Variants in CTBP2 observed in about 807,000 individuals in gnomAD.
CTBP2 encodes the protein C-terminal binding protein 2.
In CTBP2, 30 loss-of-function variants were observed where a neutral mutation model predicts 80.3. The ratio of observed to expected loss-of-function variants is 0.37; its 90% CI spans 0.28 to 0.51. CTBP2 has a LOEUF of 0.51. Ranked by LOEUF, CTBP2 falls within the 20% of genes least tolerant of loss-of-function variation. The pLI is 0.93. For synonymous variants in CTBP2, 594 were observed against 587.4 expected (o/e 1.01, Z -0.16); for missense variants, 1,212 against 1,375.3 (o/e 0.88, Z 1.88).
intron 2 of CTBP2, among the ~76,000 whole-genome samples, chr10:125,069,455 T>C (rs2135434347): frequency 6.6e-6 from 1 of 152,168 alleles, no homozygotes; most frequent in East Asian, 1.9e-4. Context: ...CCATCTCTAC[T>C]GAAAATACAA....
chr10:125,098,750 CAGAGAGAGAGAGAG>C (rs1265217140), intron 2 of CTBP2, among the ~76,000 whole-genome samples: 5,564 of 75,606 alleles, frequency 0.074, 276 homozygotes, highest in Middle Eastern at 0.11. Flanking sequence ...GAGAGAGAGA[CAGAGAGAGAGAGAG>C]AGAGAGAGAG....
At chr10:125,088,674 C>A (rs1848347225) in intron 2 of CTBP2, among the ~76,000 whole-genome samples, 2 of 152,204 alleles carry the variant, frequency 1.3e-5, no homozygotes, top group African/African-American at 4.8e-5. Context: ...GGAAATTACA[C>A]AGTAAGTGTT....
intron 1 of CTBP2, among the ~76,000 whole-genome samples, chr10:125,151,188 T>C (rs1859788499): frequency 1.3e-5 from 2 of 152,006 alleles, no homozygotes; most frequent in Middle Eastern, 3.2e-3. Context: ...CTGCAAAACA[T>C]AGAGGCGAAC....
At chr10:125,046,441 G>C (rs1258779350) in intron 2 of CTBP2, among the ~76,000 whole-genome samples, 1 of 149,904 alleles carries the variant, frequency 6.7e-6, no homozygotes, top group Non-Finnish European at 1.5e-5. Context: ...GGGAGGCTGA[G>C]GCATGAGAAT....
chr10:125,018,943 C>G (rs918776430), intron 1 of CTBP2, among the ~76,000 whole-genome samples: 9 of 152,250 alleles, frequency 5.9e-5, no homozygotes, highest in Non-Finnish European at 1.0e-4. Flanking sequence ...TGAATTTCTC[C>G]ATGGCTCTCA....
chr10:125,050,417 T>G (rs375608186), intron 2 of CTBP2, among the ~76,000 whole-genome samples: 1 of 152,242 alleles, frequency 6.6e-6, no homozygotes, highest in African/African-American at 2.4e-5. Flanking sequence ...CTTGCAGCTA[T>G]TCATTTTGCT....
At chr10:125,037,125 T>G (rs1006173070) in intron 3 of CTBP2, among the ~76,000 whole-genome samples, 1 of 152,242 alleles carries the variant, frequency 6.6e-6, no homozygotes, top group African/African-American at 2.4e-5. Context: ...TAATGCAAAC[T>G]TCTGTTATAA....
At chr10:125,030,033 T>G, upstream of CTBP2, among the ~76,000 whole-genome samples, 1 of 152,002 alleles carries the variant, frequency 6.6e-6, no homozygotes, top group Non-Finnish European at 1.5e-5. Flanking sequence ...CCACCCAAAC[T>G]CGCACAGCCT....
At chr10:125,151,312 G>GT (rs1471597821) in intron 1 of CTBP2, among the ~76,000 whole-genome samples, 1 of 152,142 alleles carries the variant, frequency 6.6e-6, no homozygotes, top group African/African-American at 2.4e-5. Flanking sequence ...GGCTTCAGGT[G>GT]TTGGGAGCCG....
chr10:125,125,304 T>C (rs1439555521), intron 1 of CTBP2, among the ~76,000 whole-genome samples: 2 of 152,330 alleles, frequency 1.3e-5, no homozygotes, highest in African/African-American at 2.4e-5. Flanking sequence ...GCAAACACCA[T>C]GCTATATTTA....
chr10:125,010,882 G>C (rs541953734), intron 1 of CTBP2, among the ~76,000 whole-genome samples: 2 of 152,258 alleles, frequency 1.3e-5, no homozygotes, highest in South Asian at 4.1e-4. Context: ...CCTCCAGTGA[G>C]GTACAACCAG....
intron 2 of CTBP2, among the ~76,000 whole-genome samples, chr10:125,049,875 C>T (rs2946996): frequency 0.43 from 65,798 of 152,010 alleles, 15,265 homozygotes; most frequent in African/African-American, 0.6. Context: ...TGAGCCACCC[C>T]GCTCCAACTC....
chr10:125,119,039 C>T (rs1259106670), intron 1 of CTBP2, among the ~76,000 whole-genome samples: 2 of 152,200 alleles, frequency 1.3e-5, no homozygotes, highest in Non-Finnish European at 2.9e-5. Context: ...TCCGGTCTTG[C>T]TTTCTCCCTG....
chr10:124,989,019 GT>G lies in CTBP2; in HGVS notation c.*498del, dbSNP rs1952227652. On this transcript the variant is annotated 3_prime_UTR_variant, in exon 9 of 9. Transcript: ENST00000309035. ...TGTCTTCAATCCTATGCGTGCAGGT[GT>G]CTACCACAGGCAAACAGTTTTCTCC... is the stretch of plus-strand genomic sequence containing the variant. 2 of 204,264 alleles carry G rather than the reference GT, an allele frequency of 9.8e-6. No homozygotes were observed. The highest frequency in any genetic ancestry group is 2.0e-5 in the Non-Finnish European group (2 of 100,512). The allele number at this position is 204,264 out of a possible 1,614,324, so 12.7% of individuals were successfully genotyped here.
chr10:125,073,067 T>G (rs890797608), intron 2 of CTBP2, among the ~76,000 whole-genome samples: 2 of 152,208 alleles, frequency 1.3e-5, no homozygotes, highest in Non-Finnish European at 2.9e-5. Flanking sequence ...GCCACAGCAG[T>G]TCCACGCCGG....
At chr10:125,039,966 G>C (rs1259666502) in intron 2 of CTBP2, among the ~76,000 whole-genome samples, 2 of 152,180 alleles carry the variant, frequency 1.3e-5, no homozygotes, top group Non-Finnish European at 2.9e-5. Context: ...GGATTCTCTA[G>C]AGGGAGACCT....
rs1385093690 is a variant in CTBP2 at position 125,111,098 on chromosome 10, A to C, written c.-205-5T>G. The stretch of plus-strand genomic sequence containing the variant: ...ACCATTTAAGGTGATGAAACCCTGA[A>C]AGCAAAATGAATGGAGTCAGTGAAG... On this transcript the variant is annotated splice_polypyrimidine_tract_variant and splice_region_variant and intron_variant, in intron 1 of 10. Coordinates refer to the CTBP2 transcript ENST00000337195. The C allele has an allele frequency of 1.3e-5, 2 of 152,628 alleles. No individual in the cohort carries two copies. Among genetic ancestry groups the C allele is most frequent in the Admixed American group, 6.5e-5 (1 of 15,288 alleles). The allele number at this position is 152,628 out of a possible 1,614,324, so 9.5% of individuals were successfully genotyped here.
At chr10:125,119,058 A>T (rs932701136) in intron 1 of CTBP2, among the ~76,000 whole-genome samples, 1 of 152,188 alleles carries the variant, frequency 6.6e-6, no homozygotes, top group Non-Finnish European at 1.5e-5. Context: ...TGATAGGGTG[A>T]CCAAGAGGGG....
chr10:125,071,197 G>A (rs577603288), intron 2 of CTBP2, among the ~76,000 whole-genome samples: 24 of 152,354 alleles, frequency 1.6e-4, no homozygotes, highest in African/African-American at 5.3e-4. Flanking sequence ...GGAAACAGAG[G>A]CAGCGAGGGG....
Sources: allele counts gnomAD v4.1 joint callset (sites outside exome capture counted in the v4.1 genomes callset), GRCh38; gene constraint gnomAD v4.1.1; transcripts MANE v1.5; gene names NCBI Gene and HGNC (gene_info 2026-07-23, HGNC 2026-07-21).